Variants in ADH7 observed in about 807,000 individuals in gnomAD.
ADH7 encodes the protein alcohol dehydrogenase 7 (class IV), mu or sigma polypeptide, also known as all-trans-retinol dehydrogenase [NAD(+)] ADH7.
In ADH7, 41 loss-of-function variants were observed where a neutral mutation model predicts 34.4. That is an observed-to-expected ratio of 1.19 (90% CI 0.93 to 1.55). The LOEUF is 1.55. Ranked by LOEUF, ADH7 falls within the 40% of genes most tolerant of loss-of-function variation. ADH7 has a pLI of 0.00. For synonymous variants in ADH7, 180 were observed against 160.9 expected, an observed-to-expected ratio of 1.12 and a Z score of -0.90; for missense variants, 540 against 461.2, an observed-to-expected ratio of 1.17 and a Z score of -1.56.
chr4:99,418,903 G>T (rs985538562), intron 7 of ADH7, 83 bp downstream of exon 7: 2 of 1,502,190 alleles, frequency 1.3e-6, no homozygotes, highest in Admixed American at 1.9e-5. Flanking sequence ...TGGAAGAAAG[G>T]CCTGAGGAAA....
At chr4:99,433,082 G>T (rs141294025) in intron 1 of ADH7, among the ~76,000 whole-genome samples, 8 of 152,128 alleles carry the variant, frequency 5.3e-5, no homozygotes, top group South Asian at 2.1e-4. Context: ...AAAGTAATTT[G>T]CATGGTACAT....
chr4:99,420,364 A>G (rs1348628929), intron 6 of ADH7, among the ~76,000 whole-genome samples, 169 bp downstream of exon 6: 4 of 152,198 alleles, frequency 2.6e-5, no homozygotes, highest in African/African-American at 9.7e-5. Flanking sequence ...TAAGTGTTTG[A>G]CTTTTTAGGC....
chr4:99,413,207 T>C, intron 8 of ADH7, 35 bp from the exon 9 acceptor site: 1 of 1,609,020 alleles, frequency 6.2e-7, no homozygotes, highest in Non-Finnish European at 8.5e-7. Flanking sequence ...AATGACTTGT[T>C]TTCATATCTT....
intron 5 of ADH7, among the ~76,000 whole-genome samples, chr4:99,426,829 G>A (rs1004827426): frequency 4.6e-5 from 7 of 152,088 alleles, no homozygotes; most frequent in Admixed American, 1.3e-4. Flanking sequence ...CTGGCAAACC[G>A]AATCCAACAG....
chr4:99,435,113 G>T, intron 1 of ADH7, 103 bp downstream of exon 1: 3 of 1,553,408 alleles, frequency 1.9e-6, no homozygotes, highest in Non-Finnish European at 2.6e-6. Flanking sequence ...ATTCCTCAAG[G>T]AATATCTCCA....
intron 5 of ADH7, among the ~76,000 whole-genome samples, chr4:99,423,021 TC>T (rs1248804579): frequency 4.3e-5 from 4 of 93,468 alleles, no homozygotes; most frequent in African/African-American, 4.1e-5. Flanking sequence ...ATGCTATCCC[TC>T]CCCCCTCCCC....
Position 99,423,620 on chromosome 4 carries a change from G to C in ADH7, c.565-2827C>G, listed in dbSNP as rs575199711. Among the ~76,000 whole-genome samples, 632 of 152,148 alleles carry C rather than the reference G, an allele frequency of 4.2e-3. 8 individuals carry two copies. Among genetic ancestry groups the C allele is most frequent in the African/African-American group, 0.014 (574 of 41,430 alleles). On this transcript the variant is annotated intron_variant, in intron 5 of 8. Transcript: ENST00000437033. ...TTGTGGTTTTGATTTGCATTTCTCT[G>C]ATGGCCAGTGATGGTGAGCATTTTT...
rs1721855483 is a variant in ADH7, at chr4:99,428,128, A to G, written c.306T>C (p.Asn102=). The part of the protein sequence containing the change: ...PLFLPQCREC[N]ACRNPDGNLC... Reference sequence around the variant, plus strand: ...GGTTGCCATCTGGGTTGCGACAAGCATTGCATTCTCTACATTGTGGCAGAA... The same window carrying G: ...GGTTGCCATCTGGGTTGCGACAAGCGTTGCATTCTCTACATTGTGGCAGAA... The change falls in exon 4 of 9, where the codon AAT becomes AAC. Residue 102 remains asparagine (N), a synonymous_variant. Transcript: ENST00000437033. 1.2e-6 allele frequency: 2 copies of G among 1,614,032 alleles called. No individual in the cohort carries two copies. Among genetic ancestry groups the G allele is most frequent in the Admixed American group, 3.3e-5 (2 of 59,974 alleles).
chr4:99,422,643 T>A (rs1253578147), intron 5 of ADH7, among the ~76,000 whole-genome samples: 2 of 152,242 alleles, frequency 1.3e-5, no homozygotes, highest in South Asian at 4.1e-4. Context: ...TAAAAAATCA[T>A]AACTCTGAGT....
chr4:99,420,418 C>T, intron 6 of ADH7, 115 bp downstream of exon 6: 2 of 1,230,248 alleles, frequency 1.6e-6, no homozygotes, highest in Non-Finnish European at 2.3e-6. Context: ...GTAAAACTGA[C>T]TATCGCAGAG....
At chr4:99,425,996 GT>G (rs1171421926) in intron 5 of ADH7, among the ~76,000 whole-genome samples, 1 of 152,158 alleles carries the variant, frequency 6.6e-6, no homozygotes. Context: ...AAATAAAGAT[GT>G]TCTTTGAAAC....
chr4:99,427,826 A>C lies in ADH7; in HGVS notation c.511T>G (p.Leu171Val), dbSNP rs1318918483. Residue 171 changes from leucine to valine, a missense_variant, in exon 5 of 9, where the codon TTA becomes GTA. Physicochemically the swap from Leu to Val is conservative, Grantham distance 32. Transcript: ENST00000437033. ...DDAAPPEKVC[L>V]IGCGFSTGYG... ...CCAGTGGAAAACCCACAGCCAATTAAACAGACTTTCTCAGGAGGAGCTGCA... is the reference window on the plus strand; with the variant it reads ...CCAGTGGAAAACCCACAGCCAATTACACAGACTTTCTCAGGAGGAGCTGCA... 1 of 1,609,320 alleles carries C rather than the reference A, an allele frequency of 6.2e-7. No homozygotes were observed. Among genetic ancestry groups the C allele is most frequent in the South Asian group, 1.1e-5 (1 of 90,272 alleles).
chr4:99,432,410 C>T (rs1014699262), intron 1 of ADH7, among the ~76,000 whole-genome samples: 5 of 152,182 alleles, frequency 3.3e-5, no homozygotes, highest in Non-Finnish European at 5.9e-5. Context: ...CACCAAACCC[C>T]ATGATACACA....
intron 5 of ADH7, among the ~76,000 whole-genome samples, chr4:99,421,756 A>T (rs1001915089): frequency 1.3e-5 from 2 of 152,354 alleles, no homozygotes; most frequent in East Asian, 3.9e-4. Context: ...TACTCATCTG[A>T]CAAAGGTCTA....
In ADH7 at chr4:99,429,550, A is replaced by G; in HGVS notation, c.102T>C (p.Thr34=). Residue 34 remains threonine, a synonymous_variant, in exon 2 of 9, where the codon ACT becomes ACC. Coordinates refer to ENST00000437033, the MANE Select transcript of ADH7 (RefSeq NM_000673.7). The part of the protein sequence containing the change: ...IEEIEVAPPK[T]KEVRIKILAT... ...CGCTTACCTTAATGCGAACTTCTTT[A>G]GTCTTTGGTGGGGCAACTTCTATTT... 6.2e-7 allele frequency: 1 copy of G among 1,611,944 alleles called. No individual in the cohort carries two copies. Among genetic ancestry groups the G allele is most frequent in the Non-Finnish European group, 8.5e-7 (1 of 1,178,886 alleles).
At chr4:99,423,039 C>T (rs1364142310) in intron 5 of ADH7, among the ~76,000 whole-genome samples, 1 of 110,300 alleles carries the variant, frequency 9.1e-6, no homozygotes, top group Admixed American at 1.0e-4. Flanking sequence ...CCCCCCACCC[C>T]ACAACAGTCT....
Position 99,419,208 on chromosome 4 carries a change from A to G in ADH7, c.826-87T>C, listed in dbSNP as rs116320570. 3.1e-4 allele frequency: 438 copies of G among 1,414,124 alleles called. 2 individuals carry two copies. In the African/African-American group the frequency reaches 5.7e-3, roughly 19 times the overall value. The allele number at this position is 1,414,124 out of a possible 1,614,324, so 87.6% of individuals were successfully genotyped here. On this transcript the variant is annotated intron_variant, in intron 6 of 8. Transcript: ENST00000437033. The stretch of plus-strand genomic sequence containing the variant: ...TGAAATGACCTATGTACTATGACAA[A>G]GTCATGAAATTAAATTAAGCCACCT...
In ADH7 at chr4:99,428,579, T is replaced by C. The variant is rs756108209; in HGVS notation, c.172A>G (p.Met58Val). The part of the protein sequence containing the change: ...RTDDHVIKGT[M>V]VSKFPVIVGH... ...ACAATCACTGGAAACTTGGACACCA[T>C]TGTTCCTTTTATCACATGGTCATCT... is the stretch of plus-strand genomic sequence containing the variant. The change falls in exon 3 of 9, where the codon ATG becomes GTG. Residue 58 changes from methionine (M) to valine (V), a missense_variant. Transcript: ENST00000437033. 6.2e-7 allele frequency: 1 copy of C among 1,613,938 alleles called. No individual in the cohort carries two copies. The highest frequency in any genetic ancestry group is 8.5e-7 in the Non-Finnish European group (1 of 1,179,866).
intron 8 of ADH7, 82 bp from the exon 9 acceptor site, chr4:99,413,254 C>G: frequency 3.4e-6 from 5 of 1,461,500 alleles, no homozygotes; most frequent in Non-Finnish European, 4.8e-6. Flanking sequence ...TCCTTTCTAT[C>G]TGTCATAGAA....
Sources: allele counts gnomAD v4.1 joint callset (sites outside exome capture counted in the v4.1 genomes callset), GRCh38; gene constraint gnomAD v4.1.1; transcripts MANE v1.5; gene names NCBI Gene and HGNC (gene_info 2026-07-23, HGNC 2026-07-21).